The following SMIM35 variants were observed in gnomAD, a reference collection of about 807,000 sequenced individuals.
SMIM35 encodes the protein TMPRSS4 antisense RNA 1 (non-protein coding).
intron 1 of SMIM35, among the ~76,000 whole-genome samples, chr11:118,057,210 G>C (rs953495501): frequency 2.6e-5 from 4 of 152,236 alleles, no homozygotes; most frequent in Non-Finnish European, 5.9e-5. Context: ...AGTTCAGAAG[G>C]CTTTGAAGGG....
chr11:118,022,340 C>G (rs921405934), intron 1 of SMIM35, among the ~76,000 whole-genome samples: 1 of 151,676 alleles, frequency 6.6e-6, no homozygotes, highest in Non-Finnish European at 1.5e-5. Flanking sequence ...TGAGCCACCG[C>G]CCCTGGCCCA....
At chr11:118,042,018 T>G (rs1944009837) in intron 1 of SMIM35, among the ~76,000 whole-genome samples, 1 of 141,094 alleles carries the variant, frequency 7.1e-6, no homozygotes, top group South Asian at 2.2e-4. Flanking sequence ...ACCACTGCTC[T>G]CCAGCCTGGG....
chr11:118,076,093 C>T (rs185372088), intron 1 of SMIM35, among the ~76,000 whole-genome samples: 176 of 152,264 alleles, frequency 1.2e-3, no homozygotes, highest in African/African-American at 3.8e-3. Flanking sequence ...CATGGCAAAA[C>T]CCCATCTCTA....
At chr11:118,037,536 C>T (rs1054422111) in intron 1 of SMIM35, among the ~76,000 whole-genome samples, 11 of 152,132 alleles carry the variant, frequency 7.2e-5, no homozygotes, top group Middle Eastern at 3.2e-3. Context: ...TTCTCAGTGA[C>T]GATTCTGGAT....
chr11:118,049,437 C>T (rs1432804160), intron 1 of SMIM35, among the ~76,000 whole-genome samples: 11 of 149,654 alleles, frequency 7.4e-5, no homozygotes, highest in African/African-American at 2.2e-4. Context: ...CAACCTCCAC[C>T]TCCTGGGTTC....
At chr11:118,058,085 A>T (rs1473736948) in intron 1 of SMIM35, among the ~76,000 whole-genome samples, 2 of 152,204 alleles carry the variant, frequency 1.3e-5, no homozygotes, top group Non-Finnish European at 2.9e-5. Flanking sequence ...TCATACTGAC[A>T]GCTAATTAAT....
chr11:118,053,127 G>T (rs530191085), intron 1 of SMIM35, among the ~76,000 whole-genome samples: 39 of 152,296 alleles, frequency 2.6e-4, no homozygotes, highest in African/African-American at 8.4e-4. Flanking sequence ...CCAACATGGT[G>T]AAACCCCCAT....
intron 1 of SMIM35, among the ~76,000 whole-genome samples, chr11:118,020,366 G>T (rs1379765265): frequency 6.6e-6 from 1 of 152,172 alleles, no homozygotes; most frequent in African/African-American, 2.4e-5. Context: ...GTTATTCTGA[G>T]TACTTTTCTC....
chr11:118,083,729 A>ATTG (rs888911737), intron 1 of SMIM35, among the ~76,000 whole-genome samples: 1 of 152,180 alleles, frequency 6.6e-6, no homozygotes, highest in Non-Finnish European at 1.5e-5. Context: ...GTAAACTATT[A>ATTG]TTGTTGTTGT....
chr11:118,082,906 G>A (rs1005993295), intron 1 of SMIM35, among the ~76,000 whole-genome samples: 6 of 152,214 alleles, frequency 3.9e-5, no homozygotes, highest in South Asian at 2.1e-4. Context: ...CGGCGAGTGG[G>A]TTCCCCAAGC....
chr11:118,068,385 A>G (rs1343371080), intron 1 of SMIM35, among the ~76,000 whole-genome samples: 2 of 152,142 alleles, frequency 1.3e-5, no homozygotes, highest in Non-Finnish European at 2.9e-5. Flanking sequence ...ACAGGATGAC[A>G]GCACGATCTC....
chr11:118,029,906 G>A (rs2058304523), intron 1 of SMIM35: 1 of 400,294 alleles, frequency 2.5e-6, no homozygotes, highest in African/African-American at 2.1e-5. Context: ...TGTCTTTTCA[G>A]TTACCTAGTT....
chr11:118,066,489 A>G (rs1176857399), intron 1 of SMIM35, among the ~76,000 whole-genome samples: 1 of 152,210 alleles, frequency 6.6e-6, no homozygotes, highest in African/African-American at 2.4e-5. Context: ...CTTATTACCT[A>G]GAGCTGTGGT....
chr11:118,015,111 A>G (rs969315083), intron 2 of SMIM35, among the ~76,000 whole-genome samples: 6 of 152,276 alleles, frequency 3.9e-5, no homozygotes, highest in Non-Finnish European at 7.3e-5. Context: ...GCATTGGCAC[A>G]TAGTAGGTGC....
intron 1 of SMIM35, among the ~76,000 whole-genome samples, chr11:118,085,226 CTT>C (rs67063759): frequency 0.016 from 2,211 of 141,824 alleles, 53 homozygotes; most frequent in African/African-American, 0.053. Flanking sequence ...TCTTCTTCTT[CTT>C]TTTTTTTTTT....
intron 1 of SMIM35, among the ~76,000 whole-genome samples, chr11:118,078,043 AAGAAAGAAG>A (rs1361712017): frequency 1.1e-5 from 1 of 88,146 alleles, no homozygotes; most frequent in African/African-American, 4.2e-5. Context: ...AAAAAAAAAA[AAGAAAGAAG>A]GAAAAGAAAA....
intron 1 of SMIM35, among the ~76,000 whole-genome samples, chr11:118,043,569 G>T (rs1944039648): frequency 6.6e-6 from 1 of 152,086 alleles, no homozygotes. Flanking sequence ...CCAGCACTTT[G>T]GGAGGCTGAG....
intron 1 of SMIM35, among the ~76,000 whole-genome samples, chr11:118,034,037 G>A (rs182162829): frequency 2.0e-5 from 3 of 152,174 alleles, no homozygotes; most frequent in Admixed American, 2.0e-4. Flanking sequence ...GGAGGCCGAG[G>A]CGGGCAGATG....
At chr11:118,041,901 A>G (rs1479749326) in intron 1 of SMIM35, among the ~76,000 whole-genome samples, 1 of 151,876 alleles carries the variant, frequency 6.6e-6, no homozygotes, top group Admixed American at 6.6e-5. Context: ...AAATACAAAA[A>G]TTAGCTGGGC....
Sources: gnomAD v4.1 joint callset for allele counts (sites outside exome capture counted in the v4.1 genomes callset) on GRCh38, gnomAD v4.1.1 for gene constraint, MANE v1.5 for transcripts, NCBI Gene and HGNC (gene_info 2026-07-23, HGNC 2026-07-21) for gene names.